Variants in PRR19 observed in about 807,000 individuals in gnomAD.
PRR19 encodes proline rich 19.
PRR19 carries 9 observed loss-of-function variants against 19.2 expected under a neutral mutation model. The ratio of observed to expected loss-of-function variants is 0.47; its 90% CI spans 0.28 to 0.82. The LOEUF (loss-of-function observed/expected upper bound fraction) is 0.82. Among genes scored for constraint, PRR19 ranks in the 40% least tolerant of loss-of-function variants. The probability of loss-of-function intolerance (pLI) is 0.11; values close to 1 mark genes in which losing one functional copy is unlikely to be tolerated. For missense variants in PRR19, 457 were observed against 466.0 expected, an observed-to-expected ratio of 0.98 and a Z score of 0.18; for synonymous variants, 190 against 191.0, an observed-to-expected ratio of 0.99 and a Z score of 0.04.
At chr19:42,303,066 T>TGTGTGG (rs2038665558) in intron 1 of PRR19, among the ~76,000 whole-genome samples, 1 of 93,040 alleles carries the variant, frequency 1.1e-5, no homozygotes. Flanking sequence ...ACACCGTGGG[T>TGTGTGG]GTGTGTGTGT....
intron 1 of PRR19, among the ~76,000 whole-genome samples, chr19:42,308,390 C>CTT (rs774768445): frequency 7.4e-4 from 88 of 119,312 alleles, no homozygotes; most frequent in Non-Finnish European, 1.0e-3. Context: ...CCGAATCCAG[C>CTT]TTTTTTTTTT....
Position 42,310,808 on chromosome 19 carries a change from C to G in PRR19, c.*68C>G, listed in dbSNP as rs776906778. On this transcript the variant is annotated 3_prime_UTR_variant, in exon 3 of 3. Coordinates refer to ENST00000341747, the MANE Select transcript of PRR19 (RefSeq NM_199285.3). Reference sequence around the variant, plus strand: ...CCAGTGACCTCAATAAAGTACTTTTCATGGTCCTCTTGATTTTCAGTGAGT... The same window carrying G: ...CCAGTGACCTCAATAAAGTACTTTTGATGGTCCTCTTGATTTTCAGTGAGT... The G allele has an allele frequency of 2.2e-4, 239 of 1,087,768 alleles. No homozygotes were observed. Among genetic ancestry groups the G allele is most frequent in the Non-Finnish European group, 2.8e-4 (215 of 759,104 alleles). 67.4% of individuals were successfully genotyped at this position (1,087,768 alleles called of 1,614,324 possible).
chr19:42,302,280 C>G lies in PRR19; in HGVS notation c.-230C>G, dbSNP rs747110583. On this transcript the variant is annotated 5_prime_UTR_variant, in exon 1 of 3. Transcript: ENST00000341747. ...CCTGTACGTCCTGCACCGGCGTGGG[C>G]TTGCTGGCTGGGTTCTCCTCTCCAC... The G allele has an allele frequency of 3.1e-6, 5 of 1,607,200 alleles. No homozygotes were observed. In the East Asian group the frequency reaches 1.1e-4, roughly 36 times the overall value.
In PRR19 at chr19:42,310,430, G is replaced by A. The variant is rs2038779373; in HGVS notation, c.761G>A (p.Ser254Asn). The A allele has an allele frequency of 6.2e-7, 1 of 1,614,064 alleles. No homozygotes were observed. Among genetic ancestry groups the A allele is most frequent in the Non-Finnish European group, 8.5e-7 (1 of 1,180,030 alleles). ...TSSMPTAHRGSLAPPRGPWPP... is the reference protein window; with the variant it reads ...TSSMPTAHRGNLAPPRGPWPP... ...AGCATGCCCACTGCGCACAGGGGGA[G>A]TCTGGCACCGCCAAGAGGTCCCTGG... The change falls in exon 3 of 3, where the codon AGT (serine) becomes AAT (asparagine). Residue 254 changes from serine to asparagine, a missense_variant. Transcript: ENST00000341747.
At chr19:42,306,987 G>C (rs2038714504) in intron 1 of PRR19, 1 of 152,318 alleles carries the variant, frequency 6.6e-6, no homozygotes, top group Admixed American at 6.5e-5. Flanking sequence ...AGGTGACTTC[G>C]AGAGCTGGGG....
intron 1 of PRR19, among the ~76,000 whole-genome samples, chr19:42,305,413 G>A (rs1182640680): frequency 6.6e-6 from 1 of 150,816 alleles, no homozygotes; most frequent in African/African-American, 2.4e-5. Context: ...TGAGTAGCTG[G>A]GACTACAGGC....
intron 1 of PRR19, chr19:42,302,818 T>C (rs941518495): frequency 3.1e-5 from 1 of 32,178 alleles, no homozygotes; most frequent in Non-Finnish European, 5.9e-5. Flanking sequence ...GGGGGGGGGG[T>C]GACCCATTCA....
At position 42,310,733 on chromosome 19, in the gene PRR19, T is replaced by A; in HGVS notation, c.1064T>A (p.Leu355Gln). The change falls in exon 3 of 3, where the codon CTG (leucine) becomes CAG (glutamine). Residue 355 changes from leucine to glutamine, a missense_variant. Leu to Gln is a moderately radical substitution (Grantham distance 113). Transcript: ENST00000341747. ...PEAWSFPPMR[L>Q]Y ...GCCTGGTCTTTTCCACCCATGAGAC[T>A]GTACTGAGGAGAGGCTGAGGCTAGG... 4 of 1,531,660 alleles carry A rather than the reference T, an allele frequency of 2.6e-6. No individual in the cohort carries two copies. Among genetic ancestry groups the A allele is most frequent in the Non-Finnish European group, 3.5e-6 (4 of 1,138,638 alleles). 94.9% of individuals were successfully genotyped at this position (1,531,660 alleles called of 1,614,324 possible). A position where few individuals can be genotyped will look rare whatever the true frequency, so the allele number is the denominator to read the frequency against.
chr19:42,302,449 A>C lies in PRR19; in HGVS notation c.-61A>C, dbSNP rs777261730. On this transcript the variant is annotated 5_prime_UTR_variant, in exon 1 of 3. Transcript: ENST00000341747. ...AACGCTAGCACACCCGCGGAGGACG[A>C]AGGCCGATACAGGGCGCCGCCTCCT... 1.7e-5 allele frequency: 12 copies of C among 724,412 alleles called. No homozygotes were observed. Among genetic ancestry groups the C allele is most frequent in the Non-Finnish European group, 2.5e-5 (11 of 448,948 alleles). 44.9% of individuals were successfully genotyped at this position (724,412 alleles called of 1,614,324 possible). A position where few individuals can be genotyped will look rare whatever the true frequency, so the allele number is the denominator to read the frequency against.
rs1453167270 is a variant in PRR19 at position 42,309,783 on chromosome 19, G to A, written c.199G>A (p.Gly67Ser). ...TASKLVVITQ[G>S]RLSREHRGLF... Reference sequence around the variant, plus strand: ...CTCCAAGCTCGTGGTCATAACCCAGGGCCGGCTGAGCCGGGAGCACCGGGG... The same window carrying A: ...CTCCAAGCTCGTGGTCATAACCCAGAGCCGGCTGAGCCGGGAGCACCGGGG... Residue 67 changes from glycine (G) to serine (S), a missense_variant, in exon 2 of 3, where the codon GGC (glycine) becomes AGC (serine). Physicochemically the swap from Gly to Ser is moderately conservative, Grantham distance 56. Transcript: ENST00000341747. The A allele has an allele frequency of 6.8e-6, 11 of 1,613,606 alleles. No homozygotes were observed. Among genetic ancestry groups the A allele is most frequent in the Non-Finnish European group, 9.3e-6 (11 of 1,179,676 alleles).
In PRR19 at chr19:42,302,397, C is replaced by G. The variant is rs1049358693; in HGVS notation, c.-113C>G. 8.2e-7 allele frequency: 1 copy of G among 1,226,278 alleles called. No homozygotes were observed. The highest frequency in any genetic ancestry group is 1.5e-5 in the African/African-American group (1 of 66,878). The allele number at this position is 1,226,278 out of a possible 1,614,324, so 76.0% of individuals were successfully genotyped here. ...GCTGGCTCCGCCACGCCCACTCCTACCCCTCGCGGCAACAAAGGACCGTCC... is the reference window on the plus strand; with the variant it reads ...GCTGGCTCCGCCACGCCCACTCCTAGCCCTCGCGGCAACAAAGGACCGTCC... On this transcript the variant is annotated 5_prime_UTR_variant, in exon 1 of 3. Coordinates refer to ENST00000341747, the MANE Select transcript of PRR19 (RefSeq NM_199285.3).
intron 1 of PRR19, among the ~76,000 whole-genome samples, chr19:42,306,642 T>C (rs1025816780): frequency 7.2e-5 from 11 of 152,176 alleles, no homozygotes; most frequent in African/African-American, 2.7e-4. Context: ...CTGTGGCTGC[T>C]TGGGGGACAG....
rs781493391 is a variant in PRR19 at position 42,309,649 on chromosome 19, G to A, written c.65G>A (p.Arg22His). 1.5e-5 allele frequency: 24 copies of A among 1,571,788 alleles called. No homozygotes were observed. The highest frequency in any genetic ancestry group is 1.8e-5 in the Non-Finnish European group (21 of 1,155,772). The change falls in exon 2 of 3, where the codon CGT becomes CAT. Residue 22 changes from arginine (R) to histidine (H), a missense_variant. Transcript: ENST00000341747. ...QQPEKPGRVR[R>H]RKTRRERNKA... Reference sequence around the variant, plus strand: ...CCTGAGAAACCTGGTCGTGTCCGTCGTCGGAAGACTAGGCGGGAACGTAAC... The same window carrying A: ...CCTGAGAAACCTGGTCGTGTCCGTCATCGGAAGACTAGGCGGGAACGTAAC...
rs185232405 is a variant in PRR19, at chr19:42,303,949, T to C, written c.-7+1446T>C. Among the ~76,000 whole-genome samples, 3 of 152,108 alleles carry C rather than the reference T, an allele frequency of 2.0e-5. 1 individual carries two copies. The highest frequency in any genetic ancestry group is 2.0e-4 in the Admixed American group (3 of 15,270). ...AAAGACACAGGTAATCACTTTCTTA[T>C]TAGGTTTGGGGAATATCGTGGAATA... On this transcript the variant is annotated intron_variant, in intron 1 of 2. Transcript: ENST00000341747.
chr19:42,310,790 C>G lies in PRR19; in HGVS notation c.*50C>G. 1 of 1,277,546 alleles carries G rather than the reference C, an allele frequency of 7.8e-7. No individual in the cohort carries two copies. Among genetic ancestry groups the G allele is most frequent in the South Asian group, 1.5e-5 (1 of 66,556 alleles). The allele number at this position is 1,277,546 out of a possible 1,614,324, so 79.1% of individuals were successfully genotyped here. Reference sequence around the variant, plus strand: ...GACAGATATCTTGTACTCCCAGTGACCTCAATAAAGTACTTTTCATGGTCC... The same window carrying G: ...GACAGATATCTTGTACTCCCAGTGAGCTCAATAAAGTACTTTTCATGGTCC... On this transcript the variant is annotated 3_prime_UTR_variant, in exon 3 of 3. Transcript: ENST00000341747.
chr19:42,310,657 C>G lies in PRR19; in HGVS notation c.988C>G (p.Pro330Ala), dbSNP rs1055512. The change falls in exon 3 of 3, where the codon CCT becomes GCT. Residue 330 changes from proline (P) to alanine (A), a missense_variant. Coordinates refer to ENST00000341747, the MANE Select transcript of PRR19 (RefSeq NM_199285.3). ...TSVLDWSPSP[P>A]SPLPSLSWVV... ...TGTCCTGGACTGGAGCCCCAGCCCC[C>G]CTTCCCCACTGCCCAGCCTCTCCTG... 7.9e-3 allele frequency: 12,763 copies of G among 1,611,630 alleles called. 541 individuals carry two copies. The African/African-American group carries it at 0.11, about 14-fold the overall frequency.
chr19:42,302,812 G>A (rs1469462534), intron 1 of PRR19: 1 of 135,726 alleles, frequency 7.4e-6, no homozygotes, highest in Non-Finnish European at 1.6e-5. Flanking sequence ...GTTGCGGGGG[G>A]GGGGGTGACC....
At chr19:42,303,847 T>G (rs534900149) in intron 1 of PRR19, among the ~76,000 whole-genome samples, 3 of 152,250 alleles carry the variant, frequency 2.0e-5, no homozygotes, top group Non-Finnish European at 4.4e-5. Flanking sequence ...GGAGAAGGAC[T>G]CTGAGGACTA....
chr19:42,303,060 C>CGTGG (rs935124591), intron 1 of PRR19, among the ~76,000 whole-genome samples: 19 of 100,414 alleles, frequency 1.9e-4, no homozygotes, highest in South Asian at 3.6e-4. Context: ...CTCAAAACAC[C>CGTGG]GTGGGTGTGT....
Sources: gnomAD v4.1 joint callset for allele counts (sites outside exome capture counted in the v4.1 genomes callset) on GRCh38, gnomAD v4.1.1 for gene constraint, MANE v1.5 for transcripts, NCBI Gene and HGNC (gene_info 2026-07-23, HGNC 2026-07-21) for gene names.